B3GALT1: variants seen among roughly 807,000 people sequenced by gnomAD.
The protein encoded by B3GALT1 is beta-1,3-galactosyltransferase 1, also known as UDP-Gal:betaGlcNAc beta 1,3-galactosyltransferase, polypeptide 1.
In B3GALT1, 10 loss-of-function variants were observed where a neutral mutation model predicts 23.2. The ratio of observed to expected loss-of-function variants is 0.43; its 90% CI spans 0.27 to 0.73. B3GALT1 has a LOEUF of 0.73. Among genes scored for constraint, B3GALT1 ranks in the 30% least tolerant of loss-of-function variants. The pLI, the probability that B3GALT1 is intolerant of heterozygous loss-of-function variation, is 0.21. For missense variants in B3GALT1, 299 were observed against 405.4 expected, an observed-to-expected ratio of 0.74 and a Z score of 2.25; for synonymous variants, 156 against 141.5, an observed-to-expected ratio of 1.10 and a Z score of -0.73.
intron 3 of B3GALT1, among the ~76,000 whole-genome samples, chr2:167,813,053 TTATTATC>T (rs1402199874): frequency 2.0e-5 from 3 of 147,678 alleles, no homozygotes; most frequent in African/African-American, 7.5e-5. Flanking sequence ...TTACTGTACT[TTATTATC>T]TGGATGATAT....
intron 1 of B3GALT1, among the ~76,000 whole-genome samples, chr2:167,375,529 T>C (rs528690204): frequency 2.4e-3 from 371 of 152,308 alleles, no homozygotes; most frequent in Non-Finnish European, 4.4e-3. Context: ...CAGTATTTTA[T>C]AGTTCTCCTT....
intron 3 of B3GALT1, among the ~76,000 whole-genome samples, chr2:167,709,571 A>G (rs1250145371): frequency 2.0e-5 from 3 of 152,220 alleles, no homozygotes; most frequent in African/African-American, 7.2e-5. Flanking sequence ...GAGCAGAGTT[A>G]TGAATAATGA....
intron 1 of B3GALT1, among the ~76,000 whole-genome samples, chr2:167,446,156 G>A (rs1414079742): frequency 6.6e-6 from 1 of 152,182 alleles, no homozygotes; most frequent in Non-Finnish European, 1.5e-5. Context: ...ATTCTGGGTT[G>A]AAAATTCTTT....
chr2:167,714,642 T>G (rs1009295980), intron 3 of B3GALT1: 3 of 1,613,746 alleles, frequency 1.9e-6, no homozygotes, highest in Non-Finnish European at 1.7e-6. Flanking sequence ...CTTAAATCAT[T>G]GAGGTTTCTT....
chr2:167,821,338 C>T (rs1689101387), intron 4 of B3GALT1, among the ~76,000 whole-genome samples: 1 of 151,506 alleles, frequency 6.6e-6, no homozygotes, highest in African/African-American at 2.4e-5. Flanking sequence ...ACAAAACCCC[C>T]AAGCAGAAAG....
intron 1 of B3GALT1, among the ~76,000 whole-genome samples, chr2:167,327,379 C>T (rs982006103): frequency 6.6e-6 from 1 of 152,090 alleles, no homozygotes; most frequent in Non-Finnish European, 1.5e-5. Flanking sequence ...TTCTTCTGAT[C>T]CATGAATATA....
intron 1 of B3GALT1, among the ~76,000 whole-genome samples, chr2:167,429,498 A>T (rs1574075133): frequency 6.6e-6 from 1 of 152,174 alleles, no homozygotes; most frequent in Non-Finnish European, 1.5e-5. Flanking sequence ...ATCTAGAGAA[A>T]CATAGCTTAA....
chr2:167,787,908 G>A lies in B3GALT1; in HGVS notation c.-351-30764G>A, dbSNP rs188859470. Among the ~76,000 whole-genome samples the A allele has an allele frequency of 2.1e-3, 326 of 152,264 alleles. 4 individuals are homozygous for A. The highest frequency in any genetic ancestry group is 3.7e-3 in the Non-Finnish European group (252 of 68,018). On this transcript the variant is annotated intron_variant, in intron 3 of 4. Coordinates refer to ENST00000392690, the MANE Select transcript of B3GALT1 (RefSeq NM_020981.4). ...GGTAGGCAGAGAGGAGACCTTGAAC[G>A]TGCCCCAAGAGCCAAAGAGCCAGCA...
At chr2:167,438,654 G>C (rs548102106) in intron 1 of B3GALT1, among the ~76,000 whole-genome samples, 1 of 152,314 alleles carries the variant, frequency 6.6e-6, no homozygotes, top group South Asian at 2.1e-4. Context: ...GAGAATTTCA[G>C]TGATGGATCC....
At chr2:167,705,933 A>G (rs1558954702) in intron 3 of B3GALT1, among the ~76,000 whole-genome samples, 1 of 152,196 alleles carries the variant, frequency 6.6e-6, no homozygotes, top group Non-Finnish European at 1.5e-5. Flanking sequence ...AGTATAAAAC[A>G]CTTTCATCAT....
intron 3 of B3GALT1, among the ~76,000 whole-genome samples, chr2:167,683,424 G>A (rs1686568425): frequency 1.3e-5 from 2 of 152,142 alleles, no homozygotes; most frequent in Non-Finnish European, 2.9e-5. Context: ...TGAAGTCATA[G>A]CCCAGATAAA....
chr2:167,342,612 A>C (rs1454854314), intron 1 of B3GALT1, among the ~76,000 whole-genome samples: 6 of 151,854 alleles, frequency 4.0e-5, no homozygotes, highest in Non-Finnish European at 5.9e-5. Context: ...AGAAAAAAAA[A>C]CAAAACCAAT....
chr2:167,807,106 G>T (rs1339865031), intron 3 of B3GALT1, among the ~76,000 whole-genome samples: 2 of 152,156 alleles, frequency 1.3e-5, no homozygotes, highest in African/African-American at 2.4e-5. Flanking sequence ...TTGCGTAGAG[G>T]TGTTTATAGT....
intron 3 of B3GALT1, among the ~76,000 whole-genome samples, chr2:167,783,470 C>T (rs1470242395): frequency 6.6e-6 from 1 of 152,090 alleles, no homozygotes; most frequent in Non-Finnish European, 1.5e-5. Flanking sequence ...CTATGTGATG[C>T]TCCCACCAGT....
intron 2 of B3GALT1, among the ~76,000 whole-genome samples, chr2:167,635,985 C>CA (rs2105451278): frequency 6.6e-6 from 1 of 152,070 alleles, no homozygotes; most frequent in East Asian, 1.9e-4. Flanking sequence ...GTACTGGTAC[C>CA]AAAACAGATG....
intron 3 of B3GALT1, among the ~76,000 whole-genome samples, chr2:167,792,556 A>T (rs567168861): frequency 6.6e-6 from 1 of 152,220 alleles, no homozygotes; most frequent in Non-Finnish European, 1.5e-5. Context: ...AGTAGGAGCC[A>T]GTTGAACAAT....
chr2:167,865,818 A>T (rs1348791034), intron 4 of B3GALT1, among the ~76,000 whole-genome samples: 1 of 152,036 alleles, frequency 6.6e-6, no homozygotes, highest in Non-Finnish European at 1.5e-5. Flanking sequence ...TAAAAAATAA[A>T]ATAAATAAAT....
chr2:167,745,679 T>G (rs955660300), intron 3 of B3GALT1, among the ~76,000 whole-genome samples: 1 of 152,176 alleles, frequency 6.6e-6, no homozygotes, highest in Admixed American at 6.5e-5. Context: ...CTGTTCGGTT[T>G]TTTTCTCTCT....
At chr2:167,555,634 G>T (rs932082552) in intron 2 of B3GALT1, among the ~76,000 whole-genome samples, 1 of 152,122 alleles carries the variant, frequency 6.6e-6, no homozygotes, top group Non-Finnish European at 1.5e-5. Context: ...TGACTGTGAA[G>T]GGGAAAGAAA....
Sources: allele counts gnomAD v4.1 joint callset (sites outside exome capture counted in the v4.1 genomes callset), GRCh38; gene constraint gnomAD v4.1.1; transcripts MANE v1.5; gene names NCBI Gene and HGNC (gene_info 2026-07-23, HGNC 2026-07-21).